The following FHIT variants were observed in gnomAD, a reference collection of about 807,000 sequenced individuals.
FHIT encodes fragile histidine triad diadenosine triphosphatase.
FHIT carries 19 observed loss-of-function variants against 17.9 expected under a neutral mutation model. The observed-to-expected ratio is 1.06, with a 90% CI of 0.74 to 1.56. The LOEUF (loss-of-function observed/expected upper bound fraction) is 1.56, where lower values mean the gene tolerates loss of function less well. Ranked by LOEUF, FHIT falls within the 40% of genes most tolerant of loss-of-function variation. FHIT has a pLI of 0.00. For missense variants in FHIT, 248 were observed against 189.2 expected, an observed-to-expected ratio of 1.31 and a Z score of -1.82; for synonymous variants, 81 against 69.7, an observed-to-expected ratio of 1.16 and a Z score of -0.81.
chr3:60,260,890 A>G (rs1706257027), intron 5 of FHIT, among the ~76,000 whole-genome samples: 1 of 152,142 alleles, frequency 6.6e-6, no homozygotes, highest in Non-Finnish European at 1.5e-5. Flanking sequence ...TCAGTGTGCT[A>G]AAACACACTC....
chr3:59,836,721 G>A (rs1295129890), intron 8 of FHIT, among the ~76,000 whole-genome samples: 1 of 152,084 alleles, frequency 6.6e-6, no homozygotes, highest in African/African-American at 2.4e-5. Context: ...GTTAACAGGT[G>A]CAGCCACTTC....
intron 3 of FHIT, among the ~76,000 whole-genome samples, chr3:61,024,816 T>C (rs1484016257): frequency 6.6e-6 from 1 of 152,164 alleles, no homozygotes; most frequent in Non-Finnish European, 1.5e-5. Context: ...ACATTGCTTC[T>C]GTTAGTAACC....
chr3:61,129,663 G>C (rs1240549092), intron 2 of FHIT, among the ~76,000 whole-genome samples: 5 of 152,158 alleles, frequency 3.3e-5, no homozygotes, highest in African/African-American at 1.2e-4. Context: ...AAACTGAATT[G>C]AATCAGGAGG....
At chr3:59,979,065 C>T (rs747165133) in intron 7 of FHIT, among the ~76,000 whole-genome samples, 9 of 152,220 alleles carry the variant, frequency 5.9e-5, no homozygotes, top group South Asian at 4.2e-4. Context: ...TGTTAGGGTG[C>T]TATTCTTTCT....
At chr3:60,378,042 T>C (rs1700646350) in intron 5 of FHIT, among the ~76,000 whole-genome samples, 1 of 152,098 alleles carries the variant, frequency 6.6e-6, no homozygotes, top group Non-Finnish European at 1.5e-5. Flanking sequence ...TTGTTTGTTT[T>C]TTGAGACAGA....
chr3:60,843,933 G>A (rs782195776), intron 3 of FHIT, among the ~76,000 whole-genome samples: 1 of 152,068 alleles, frequency 6.6e-6, no homozygotes, highest in Non-Finnish European at 1.5e-5. Context: ...CACTCTAGGG[G>A]TAAGGCAAGC....
At position 60,014,203 on chromosome 3, in the gene FHIT, T is replaced by C. The variant is rs376537585; in HGVS notation, c.104-51A>G. 1.7e-5 allele frequency: 27 copies of C among 1,597,306 alleles called. No individual in the cohort carries two copies. The African/African-American group carries it at 3.6e-4, about 21-fold the overall frequency. On this transcript the variant is annotated intron_variant, in intron 5 of 9. Transcript: ENST00000492590. ...TGCTGCTGGCTTTGGGTAGTGTTCT[T>C]ACCAAGCAGTTCATACCCACAGGAT... is the stretch of plus-strand genomic sequence containing the variant.
In FHIT at chr3:60,827,527, T is replaced by A. The variant is rs142754249; in HGVS notation, c.-110-5516A>T. On this transcript the variant is annotated intron_variant, in intron 3 of 9. Transcript: ENST00000492590. Reference sequence around the variant, plus strand: ...GCTATTTTGCGCCTTTGAATTTGAGTGTTGATAAACATGATTCCACACATG... The same window carrying A: ...GCTATTTTGCGCCTTTGAATTTGAGAGTTGATAAACATGATTCCACACATG... Among the ~76,000 whole-genome samples the A allele has an allele frequency of 2.5e-3, 382 of 152,336 alleles. 1 individual carries two copies. The highest frequency in any genetic ancestry group is 2.7e-3 in the Non-Finnish European group (187 of 68,030).
intron 8 of FHIT, among the ~76,000 whole-genome samples, chr3:59,857,709 T>TTTTTTTTTTG (rs1553697980): frequency 6.7e-6 from 1 of 148,496 alleles, no homozygotes; most frequent in African/African-American, 2.5e-5. Flanking sequence ...TGCTGGGTTT[T>TTTTTTTTTTG]TTTTTTTTTT....
chr3:60,139,752 C>G (rs958171770), intron 5 of FHIT, among the ~76,000 whole-genome samples: 9 of 151,904 alleles, frequency 5.9e-5, no homozygotes, highest in African/African-American at 2.2e-4. Context: ...TCCCGAGGTT[C>G]CTTCCACTAT....
chr3:60,507,424 C>G (rs1247900580), intron 5 of FHIT, among the ~76,000 whole-genome samples: 4 of 152,154 alleles, frequency 2.6e-5, no homozygotes, highest in African/African-American at 9.7e-5. Flanking sequence ...GTTTTAAAAG[C>G]TAGGGTCTTT....
At chr3:60,408,994 C>T (rs1190962451) in intron 5 of FHIT, among the ~76,000 whole-genome samples, 1 of 152,194 alleles carries the variant, frequency 6.6e-6, no homozygotes, top group East Asian at 1.9e-4. Flanking sequence ...GAGTCAGACT[C>T]GGGGGCTCAA....
At chr3:60,566,776 T>C (rs1372192568) in intron 4 of FHIT, among the ~76,000 whole-genome samples, 1 of 151,564 alleles carries the variant, frequency 6.6e-6, no homozygotes, top group African/African-American at 2.4e-5. Flanking sequence ...AGATACAAAA[T>C]CAATGTGCAA....
chr3:59,763,405 C>G (rs368960850), intron 8 of FHIT, among the ~76,000 whole-genome samples: 2 of 152,206 alleles, frequency 1.3e-5, no homozygotes, highest in South Asian at 2.1e-4. Flanking sequence ...ACATTGCAGG[C>G]AGCAGCAACT....
At chr3:60,343,051 A>T (rs73104932) in intron 5 of FHIT, among the ~76,000 whole-genome samples, 5 of 152,032 alleles carry the variant, frequency 3.3e-5, no homozygotes, top group African/African-American at 4.8e-5. Flanking sequence ...TGATAGTTAC[A>T]CCCCAGGGAT....
intron 5 of FHIT, among the ~76,000 whole-genome samples, chr3:60,326,496 G>A (rs1051786291): frequency 6.6e-6 from 1 of 152,124 alleles, no homozygotes; most frequent in South Asian, 2.1e-4. Flanking sequence ...GGAGTGATGG[G>A]GGAGCGGCTG....
chr3:60,581,999 G>A (rs1020450847), intron 4 of FHIT, among the ~76,000 whole-genome samples: 1 of 151,930 alleles, frequency 6.6e-6, no homozygotes, highest in Admixed American at 6.6e-5. Context: ...TGTGAGGGCA[G>A]GATTTTTGCT....
chr3:60,196,575 GAATT>G (rs907868163), intron 5 of FHIT, among the ~76,000 whole-genome samples: 5 of 152,106 alleles, frequency 3.3e-5, no homozygotes, highest in African/African-American at 1.2e-4. Flanking sequence ...TTGGGGATTA[GAATT>G]AATACCTCTT....
intron 5 of FHIT, among the ~76,000 whole-genome samples, chr3:60,342,293 C>T (rs1029138810): frequency 4.6e-5 from 7 of 152,196 alleles, no homozygotes; most frequent in African/African-American, 1.7e-4. Context: ...GCATATCAGG[C>T]AGCTGATCAC....
Sources: allele counts gnomAD v4.1 joint callset (sites outside exome capture counted in the v4.1 genomes callset), GRCh38; gene constraint gnomAD v4.1.1; transcripts MANE v1.5; gene names NCBI Gene and HGNC (gene_info 2026-07-23, HGNC 2026-07-21).